Variants in NECAP1 observed in about 807,000 individuals in gnomAD.
NECAP1 encodes adaptin ear-binding coat-associated protein 1.
Under a neutral mutation model 33.4 loss-of-function variants are expected in NECAP1, and 13 were observed. The observed-to-expected ratio is 0.39, with a 90% CI of 0.25 to 0.62. The LOEUF (loss-of-function observed/expected upper bound fraction) is 0.62. NECAP1 is among the 20% of genes least tolerant of loss of function. The pLI is 0.52. For synonymous variants in NECAP1, 109 were observed against 125.2 expected (o/e 0.87, Z 0.86); for missense variants, 272 against 347.4 (o/e 0.78, Z 1.73).
chr12:8,091,915 T>C, intron 4 of NECAP1, 65 bp downstream of exon 4: 1 of 1,321,234 alleles, frequency 7.6e-7, no homozygotes, highest in Non-Finnish European at 1.1e-6. Flanking sequence ...CTCACATGAA[T>C]GGGCAGTATC....
At chr12:8,087,522 A>AT (rs34100112) in intron 1 of NECAP1, among the ~76,000 whole-genome samples, 29,121 of 137,378 alleles carry the variant, frequency 0.21, 3,409 homozygotes, top group Non-Finnish European at 0.27. Flanking sequence ...CTTGTTCCTA[A>AT]TTTTTTTTTT....
Position 8,092,792 on chromosome 12 carries a change from T to TG in NECAP1, c.492+10dup, listed in dbSNP as rs1424448464. 6.2e-7 allele frequency: 1 copy of TG among 1,604,470 alleles called. No individual in the cohort carries two copies. Among genetic ancestry groups the TG allele is most frequent in the Admixed American group, 1.7e-5 (1 of 58,660 alleles). Reference sequence around the variant, plus strand: ...ATCAAGTTGTGTATCGGGGTGAGTATGGTTTTTAAAAATTTTGTTTTCCTG... The same window carrying TG: ...ATCAAGTTGTGTATCGGGGTGAGTATGGGTTTTTAAAAATTTTGTTTTCCTG... On this transcript the variant is annotated intron_variant, in intron 5 of 7. Transcript: ENST00000339754.
chr12:8,082,543 T>C (rs1947449379), intron 1 of NECAP1, among the ~76,000 whole-genome samples, 160 bp downstream of exon 1: 2 of 151,270 alleles, frequency 1.3e-5, no homozygotes, highest in South Asian at 2.1e-4. Context: ...CTGCTCCATC[T>C]CCACTCTGGA....
intron 4 of NECAP1, 139 bp from the exon 5 acceptor site, chr12:8,092,537 C>G: frequency 1.6e-6 from 1 of 611,338 alleles, no homozygotes. Flanking sequence ...GGCTTTTTTC[C>G]CTTCTGTTTC....
intron 4 of NECAP1, chr12:8,092,169 A>G (rs1406117485): frequency 1.1e-5 from 4 of 359,594 alleles, no homozygotes; most frequent in East Asian, 1.3e-4. Context: ...GTCGTGTGCC[A>G]CTCTTGTTAC....
intron 1 of NECAP1, among the ~76,000 whole-genome samples, chr12:8,088,594 A>C (rs1331481389): frequency 6.6e-6 from 1 of 152,222 alleles, no homozygotes; most frequent in Non-Finnish European, 1.5e-5. Context: ...TTATCCCAAC[A>C]GCTTTTCTCC....
In NECAP1 at chr12:8,095,500, G is replaced by A. The variant is rs1013452101; in HGVS notation, c.677-101G>A. 75 of 749,632 alleles carry A rather than the reference G, an allele frequency of 1.0e-4. No individual in the cohort carries two copies. In the Admixed American group the frequency reaches 1.1e-3, roughly 11 times the overall value. 46.4% of individuals were successfully genotyped at this position (749,632 alleles called of 1,614,324 possible). A position where few individuals can be genotyped will look rare whatever the true frequency, so the allele number is the denominator to read the frequency against. On this transcript the variant is annotated intron_variant, in intron 6 of 7. Transcript: ENST00000339754. ...CCTGACCTCATGATCCACCCGCCTC[G>A]GCCTCCCAAAGTGCTGGGATTACAG...
intron 6 of NECAP1, 181 bp downstream of exon 6, chr12:8,093,236 A>G (rs745871147): frequency 1.2e-5 from 7 of 570,044 alleles, no homozygotes; most frequent in Non-Finnish European, 2.1e-5. Context: ...ATAGTATCTC[A>G]TAGGTTCTTT....
At chr12:8,084,774 G>A (rs1260557687) in intron 1 of NECAP1, among the ~76,000 whole-genome samples, 1 of 152,300 alleles carries the variant, frequency 6.6e-6, no homozygotes, top group South Asian at 2.1e-4. Flanking sequence ...AGGCTAGACT[G>A]TGAACAACTT....
At chr12:8,095,883 G>A (rs915855880) in intron 7 of NECAP1, 159 bp from the exon 8 acceptor site, 129 of 1,113,232 alleles carry the variant, frequency 1.2e-4, no homozygotes, top group Middle Eastern at 4.0e-4. Context: ...GCTGTAGGAT[G>A]AGGTTTGAGT....
chr12:8,092,852 C>G lies in NECAP1; in HGVS notation c.493-20C>G. 1 of 1,577,278 alleles carries G rather than the reference C, an allele frequency of 6.3e-7. No homozygotes were observed. On this transcript the variant is annotated intron_variant, in intron 5 of 7. Coordinates refer to ENST00000339754, the MANE Select transcript of NECAP1 (RefSeq NM_015509.4). Reference sequence around the variant, plus strand: ...AAGCCTATGACATCTTTCTCTTGCTCTTCTTTTTTTCTTTTGTAGAACATT... The same window carrying G: ...AAGCCTATGACATCTTTCTCTTGCTGTTCTTTTTTTCTTTTGTAGAACATT...
At chr12:8,089,706 T>G (rs1215274697) in intron 1 of NECAP1, 1 of 486,108 alleles carries the variant, frequency 2.1e-6, no homozygotes, top group African/African-American at 1.9e-5. Flanking sequence ...TCCATCTTTT[T>G]AATGATGCTT....
rs774897587 is a variant in NECAP1, at chr12:8,096,050, C to T, written c.788C>T (p.Pro263Leu). Residue 263 changes from proline (P) to leucine (L), a missense_variant, in exon 8 of 8, where the codon CCA becomes CTA. Transcript: ENST00000339754. ...GDFSTASSSV[P>L]NQAPQPSNWV... ...GTTCTCCTGTCTTGCAGCTCTGTTCCAAACCAGGCACCACAGCCATCCAAC... is the reference window on the plus strand; with the variant it reads ...GTTCTCCTGTCTTGCAGCTCTGTTCTAAACCAGGCACCACAGCCATCCAAC... 13 of 1,614,016 alleles carry T rather than the reference C, an allele frequency of 8.1e-6. No individual in the cohort carries two copies. In the South Asian group the frequency reaches 1.4e-4, roughly 18 times the overall value.
intron 1 of NECAP1, among the ~76,000 whole-genome samples, chr12:8,083,375 A>G (rs1033045066): frequency 1.3e-5 from 2 of 151,694 alleles, no homozygotes; most frequent in African/African-American, 4.8e-5. Context: ...GATGTGAAAG[A>G]ATGTAGGAAA....
At chr12:8,083,904 C>G (rs763839721) in intron 1 of NECAP1, among the ~76,000 whole-genome samples, 3 of 151,826 alleles carry the variant, frequency 2.0e-5, no homozygotes, top group African/African-American at 7.2e-5. Context: ...CAATGCCTGG[C>G]TAATTTTTAA....
rs751979807 is a variant in NECAP1, at chr12:8,089,977, G to A, written c.137G>A (p.Arg46His). Residue 46 changes from arginine to histidine, a missense_variant, in exon 2 of 8, where the codon CGC becomes CAC. Physicochemically the swap from Arg to His is conservative, Grantham distance 29. Transcript: ENST00000339754. The part of the protein sequence containing the change: ...WKLDQPDWTG[R>H]LRITSKGKTA... Reference sequence around the variant, plus strand: ...TTAGACCAGCCTGATTGGACTGGTCGCCTCCGAATCACTTCAAAAGGGAAG... The same window carrying A: ...TTAGACCAGCCTGATTGGACTGGTCACCTCCGAATCACTTCAAAAGGGAAG... The A allele has an allele frequency of 1.1e-5, 17 of 1,614,112 alleles. No homozygotes were observed. The highest frequency in any genetic ancestry group is 9.9e-5 in the South Asian group (9 of 91,082).
intron 4 of NECAP1, chr12:8,092,461 A>G (rs963815748): frequency 3.9e-6 from 2 of 508,970 alleles, no homozygotes; most frequent in African/African-American, 3.9e-5. Context: ...GGCAATTCTA[A>G]TACGTATTCC....
Position 8,095,074 on chromosome 12 carries a change from T to G in NECAP1, c.677-527T>G, listed in dbSNP as rs775484158. ...GTTGTGTGTCAATAGTCTGTTTCTT[T>G]TTATTGCTGAATAGTATTCCATGGT... On this transcript the variant is annotated intron_variant, in intron 6 of 7. Transcript: ENST00000339754. Among the ~76,000 whole-genome samples the G allele has an allele frequency of 2.0e-5, 3 of 152,334 alleles. No homozygotes were observed. In the South Asian group the frequency reaches 6.2e-4, roughly 32 times the overall value.
intron 6 of NECAP1, among the ~76,000 whole-genome samples, chr12:8,094,387 T>G (rs1307325670): frequency 6.6e-6 from 1 of 152,222 alleles, no homozygotes; most frequent in African/African-American, 2.4e-5. Flanking sequence ...TACCACTTTC[T>G]CATCTTACTC....
Sources: allele counts gnomAD v4.1 joint callset (sites outside exome capture counted in the v4.1 genomes callset), GRCh38; gene constraint gnomAD v4.1.1; transcripts MANE v1.5; gene names NCBI Gene and HGNC (gene_info 2026-07-23, HGNC 2026-07-21).